The following MYH7 variants were observed in gnomAD, a reference collection of about 807,000 sequenced individuals.
The protein encoded by MYH7 is myosin-7.
A neutral mutation model predicts 225.4 loss-of-function variants in MYH7; 129 were observed. That is an observed-to-expected ratio of 0.57 (90% confidence interval 0.50 to 0.66). The LOEUF (loss-of-function observed/expected upper bound fraction) is 0.66. Among genes scored for constraint, MYH7 ranks in the 30% least tolerant of loss-of-function variants. The pLI, the probability that MYH7 is intolerant of heterozygous loss-of-function variation, is 0.00. For missense variants in MYH7, 1,649 were observed against 2,517.0 expected (o/e 0.66, Z 7.38); for synonymous variants, 971 against 1,007.6 (o/e 0.96, Z 0.69).
In MYH7 at chr14:23,425,128, C is replaced by T. The variant is rs1892644134; in HGVS notation, c.2424-104G>A. On this transcript the variant is annotated intron_variant, in intron 21 of 39. Transcript: ENST00000355349. This position sits in a 1 kb window ranked among gnomAD's most constrained non-coding sequence, Gnocchi z 4.6. ...ATTTCCTTCATCCCTCCCACCCTTC[C>T]TGAGGCCTCTGACCCTGTGACTGCA... 6.2e-7 allele frequency: 1 copy of T among 1,603,774 alleles called. No individual in the cohort carries two copies. The highest frequency in any genetic ancestry group is 8.5e-7 in the Non-Finnish European group (1 of 1,172,732).
At position 23,415,710 on chromosome 14, in the gene MYH7, C is replaced by T. The variant is rs781334634; in HGVS notation, c.5076G>A (p.Val1692=). The T allele has an allele frequency of 4.3e-6, 7 of 1,614,074 alleles. No homozygotes were observed. The Admixed American group carries it at 6.7e-5, about 15-fold the overall frequency. Reference sequence around the variant, plus strand: ...GCTTCCGGGACCGCTCTGTCTGCTCCACCACGGCACGCAACTCCTCCAGCT... The same window carrying T: ...GCTTCCGGGACCGCTCTGTCTGCTCTACCACGGCACGCAACTCCTCCAGCT... ...QAELEELRAV[V]EQTERSRKLA... Residue 1692 remains valine (V), a synonymous_variant, in exon 35 of 40, where the codon GTG becomes GTA. Transcript: ENST00000355349. This position sits in a 1 kb window ranked among gnomAD's most constrained non-coding sequence, Gnocchi z 6.3.
chr14:23,421,010 T>C lies in MYH7; in HGVS notation c.3284A>G (p.Glu1095Gly), dbSNP rs1281039788. 6.2e-7 allele frequency: 1 copy of C among 1,612,864 alleles called. No individual in the cohort carries two copies. The highest frequency in any genetic ancestry group is 1.1e-5 in the South Asian group (1 of 91,014). The part of the protein sequence containing the change: ...FELNALNARI[E>G]DEQALGSQLQ... Reference sequence around the variant, plus strand: ...CTGGCTGCCGAGGGCCTGTTCATCCTCAATCCTTGCGTTGAGAGCATTCAG... The same window carrying C: ...CTGGCTGCCGAGGGCCTGTTCATCCCCAATCCTTGCGTTGAGAGCATTCAG... The change falls in exon 26 of 40, where the codon GAG becomes GGG. Residue 1095 changes from glutamate (E) to glycine (G), a missense_variant. By Grantham distance (98) the Glu-to-Gly change is moderately conservative. Coordinates refer to ENST00000355349, the MANE Select transcript of MYH7 (RefSeq NM_000257.4).
chr14:23,418,532 G>T, intron 29 of MYH7, 126 bp from the exon 30 acceptor site: 20 of 1,140,642 alleles, frequency 1.8e-5, no homozygotes, highest in Non-Finnish European at 2.4e-5. Flanking sequence ...ACCCCCAGTG[G>T]ACCTGTCATG....
intron 15 of MYH7, 65 bp from the exon 16 acceptor site, chr14:23,427,959 T>C: frequency 6.3e-7 from 1 of 1,597,900 alleles, no homozygotes; most frequent in Non-Finnish European, 8.6e-7. Context: ...TTCTGCTCTA[T>C]GGTCAATATA....
chr14:23,432,971 A>C, intron 4 of MYH7, 113 bp downstream of exon 4: 1 of 1,544,098 alleles, frequency 6.5e-7, no homozygotes, highest in East Asian at 2.3e-5. Flanking sequence ...TGTTGGGACG[A>C]GGTTAGAGTG....
At chr14:23,424,524 C>A (rs1480110103) in intron 22 of MYH7, among the ~76,000 whole-genome samples, 1 of 152,212 alleles carries the variant, frequency 6.6e-6, no homozygotes, top group Admixed American at 6.5e-5. Context: ...CCCAAGGTCA[C>A]AAAATAATTA....
chr14:23,414,759 C>A (rs1481821111), intron 37 of MYH7, among the ~76,000 whole-genome samples: 1 of 151,986 alleles, frequency 6.6e-6, no homozygotes, highest in African/African-American at 2.4e-5. Flanking sequence ...TGTGTGTGTC[C>A]CCTGGCGATG....
intron 29 of MYH7, 117 bp from the exon 30 acceptor site, chr14:23,418,523 C>T (rs781267760): frequency 1.2e-4 from 146 of 1,203,844 alleles, no homozygotes; most frequent in Non-Finnish European, 1.5e-4. Context: ...TATGTCCAAA[C>T]CCCCAGTGGA....
chr14:23,434,474 C>G (rs1169004720), intron 1 of MYH7, among the ~76,000 whole-genome samples: 1 of 152,216 alleles, frequency 6.6e-6, no homozygotes, highest in African/African-American at 2.4e-5. Flanking sequence ...CAACCTGAAC[C>G]CTAATCCTCT....
At chr14:23,428,130 C>A (rs897290406) in intron 15 of MYH7, among the ~76,000 whole-genome samples, 1 of 152,176 alleles carries the variant, frequency 6.6e-6, no homozygotes, top group Non-Finnish European at 1.5e-5. Flanking sequence ...GCTGTACACA[C>A]CACTCCACGA....
chr14:23,422,122 C>T, intron 25 of MYH7, 58 bp downstream of exon 25: 1 of 1,609,802 alleles, frequency 6.2e-7, no homozygotes, highest in East Asian at 2.2e-5. Context: ...TGTCTTGGGT[C>T]TGCTTGTACT....
At position 23,416,248 on chromosome 14, in the gene MYH7, G is replaced by T. The variant is rs730880807; in HGVS notation, c.4709C>A (p.Ala1570Glu). 13 of 1,613,592 alleles carry T rather than the reference G, an allele frequency of 8.1e-6. No homozygotes were observed. The African/African-American group carries it at 1.7e-4, about 22-fold the overall frequency. The change falls in exon 34 of 40, where the codon GCA becomes GAA. Residue 1570 changes from alanine (A) to glutamate (E), a missense_variant. Physicochemically the swap from Ala to Glu is moderately radical, Grantham distance 107. Coordinates refer to ENST00000355349, the MANE Select transcript of MYH7 (RefSeq NM_000257.4). ...CTCTGCCAGCTTCCGCTCGATCTCT[G>T]CCTTGATCTGGTTGAACTCCAGCTG... ...RAQLEFNQIKAEIERKLAEKD... is the reference protein window; with the variant it reads ...RAQLEFNQIKEEIERKLAEKD...
At chr14:23,414,559 A>G (rs376067558) in intron 37 of MYH7, among the ~76,000 whole-genome samples, 6 of 152,348 alleles carry the variant, frequency 3.9e-5, no homozygotes, top group Non-Finnish European at 5.9e-5. Context: ...TGGAAAAGAA[A>G]CAAATTCTAA....
intron 9 of MYH7, 150 bp from the exon 10 acceptor site, chr14:23,431,149 A>T: frequency 1.4e-6 from 1 of 718,480 alleles, no homozygotes; most frequent in Non-Finnish European, 2.4e-6. Context: ...ACACAGAGAG[A>T]TGGAAACAGA....
At chr14:23,423,826 A>G in intron 23 of MYH7, 81 bp downstream of exon 23, 1 of 1,613,530 alleles carries the variant, frequency 6.2e-7, no homozygotes, top group Non-Finnish European at 8.5e-7. Flanking sequence ...CTGGATGCCG[A>G]GTGGCTAGCC....
At position 23,427,886 on chromosome 14, in the gene MYH7, G is replaced by A. The variant is rs980001629; in HGVS notation, c.1587C>T (p.Gly529=). Residue 529 remains glycine, a synonymous_variant, in exon 16 of 40, where the codon GGC becomes GGT. Transcript: ENST00000355349. ...ACTCCTCTTCCAGGATGGACATGAT[G>A]CCCATGGGCTGAGGAAGCAGGAGAG... ...ACIDLIEKPM[G]IMSILEEECM... is the part of the protein sequence containing the mutation. 4 of 1,614,040 alleles carry A rather than the reference G, an allele frequency of 2.5e-6. No homozygotes were observed. In the African/African-American group the frequency reaches 4.0e-5, roughly 16 times the overall value.
In MYH7 at chr14:23,429,361, G is replaced by A. The variant is rs397516091; in HGVS notation, c.1139-14C>T. 2.4e-5 allele frequency: 38 copies of A among 1,609,332 alleles called. No individual in the cohort carries two copies. The highest frequency in any genetic ancestry group is 3.3e-4 in the Middle Eastern group (2 of 6,056). ...ACTTGTCAGCCTCTGGAAGGAAAAG[G>A]CAAGTAGCAAAGTTGGTAAAGAGAT... On this transcript the variant is annotated splice_polypyrimidine_tract_variant and intron_variant, in intron 12 of 39. Transcript: ENST00000355349.
chr14:23,412,766 C>T lies in MYH7; in HGVS notation c.*88G>A, dbSNP rs1210987416. 2 of 1,512,704 alleles carry T rather than the reference C, an allele frequency of 1.3e-6. No homozygotes were observed. The highest frequency in any genetic ancestry group is 3.4e-5 in the Admixed American group (2 of 59,600). 93.7% of individuals were successfully genotyped at this position (1,512,704 alleles called of 1,614,324 possible). On this transcript the variant is annotated 3_prime_UTR_variant, in exon 40 of 40. Transcript: ENST00000355349. ...CGGCTTCAAGGAAAATTGCTTTATT[C>T]TGCTTCCTCCCAAGGAGCTGTTACA...
intron 15 of MYH7, 72 bp downstream of exon 15, chr14:23,428,428 G>C: frequency 6.2e-7 from 1 of 1,604,464 alleles, no homozygotes; most frequent in South Asian, 1.1e-5. Context: ...AAGGGAGAGG[G>C]GCTGCTATTT....
Sources: gnomAD v4.1 joint callset for allele counts (sites outside exome capture counted in the v4.1 genomes callset) on GRCh38, gnomAD v4.1.1 for gene constraint, Gnocchi (gnomAD v3.1) non-coding constraint, MANE v1.5 for transcripts, NCBI Gene and HGNC (gene_info 2026-07-23, HGNC 2026-07-21) for gene names.